The following MAF variants were observed in gnomAD, a reference collection of about 807,000 sequenced individuals.
The protein encoded by MAF is MAF bZIP transcription factor, also known as transcription factor Maf.
MAF carries 10 observed loss-of-function variants against 22.0 expected under a neutral mutation model. That is an observed-to-expected ratio of 0.45 (90% CI 0.28 to 0.77). MAF has a LOEUF of 0.77. Among genes scored for constraint, MAF ranks in the 30% least tolerant of loss-of-function variants. The pLI, the probability that MAF is intolerant of heterozygous loss-of-function variation, is 0.12. For missense variants in MAF, 544 were observed against 548.4 expected, an observed-to-expected ratio of 0.99 and a Z score of 0.08; for synonymous variants, 337 against 255.8, an observed-to-expected ratio of 1.32 and a Z score of -3.03.
the MAF span, among the ~76,000 whole-genome samples, chr16:79,490,245 A>G: frequency 6.6e-6 from 1 of 152,234 alleles, no homozygotes; most frequent in South Asian, 2.1e-4. Flanking sequence ...TATCCTGGAC[A>G]CAGGCACGGC....
At chr16:79,314,548 G>C in the MAF span, among the ~76,000 whole-genome samples, 5 of 152,278 alleles carry the variant, frequency 3.3e-5, no homozygotes, top group South Asian at 1.0e-3. Flanking sequence ...AGCAGAGGAG[G>C]GGCTTCCTAA....
the MAF span, among the ~76,000 whole-genome samples, chr16:79,462,033 C>G: frequency 6.6e-6 from 1 of 152,216 alleles, no homozygotes; most frequent in South Asian, 2.1e-4. Context: ...TCTCTACTTT[C>G]TCCACAACCA....
At chr16:79,438,743 A>G in the MAF span, among the ~76,000 whole-genome samples, 3 of 152,126 alleles carry the variant, frequency 2.0e-5, no homozygotes, top group Non-Finnish European at 4.4e-5. Context: ...ATCCCTGCCC[A>G]TGTCCCAGAG....
chr16:79,435,934 T>C, the MAF span, among the ~76,000 whole-genome samples: 8 of 152,086 alleles, frequency 5.3e-5, no homozygotes, highest in African/African-American at 1.4e-4. Context: ...CTTTGGAAAA[T>C]TCATTAGCAA....
At chr16:79,548,902 C>G in the MAF span, among the ~76,000 whole-genome samples, 4 of 152,116 alleles carry the variant, frequency 2.6e-5, no homozygotes, top group Non-Finnish European at 5.9e-5. Flanking sequence ...CACACTTACA[C>G]AAAAAATAAA....
the MAF span, among the ~76,000 whole-genome samples, chr16:79,452,599 T>G: frequency 6.6e-6 from 1 of 152,184 alleles, no homozygotes; most frequent in African/African-American, 2.4e-5. Context: ...TTCTTGGTGA[T>G]TTGAAAAATG....
the MAF span, among the ~76,000 whole-genome samples, chr16:79,376,741 T>C: frequency 6.6e-6 from 1 of 152,206 alleles, no homozygotes; most frequent in African/African-American, 2.4e-5. Flanking sequence ...TGTGTTATTG[T>C]TCAATTCCCA....
intron 1 of MAF, chr16:79,595,668 G>A (rs956649598): frequency 6.6e-6 from 7 of 1,058,116 alleles, no homozygotes; most frequent in Admixed American, 1.1e-4. Flanking sequence ...CCCATACACA[G>A]CCTATTTTGG....
the MAF span, among the ~76,000 whole-genome samples, chr16:79,255,976 T>C: frequency 4.3e-5 from 6 of 138,254 alleles, no homozygotes; most frequent in South Asian, 1.1e-3. Context: ...TTTTTTCTTT[T>C]CTTTTCTTTT....
chr16:79,495,548 C>T, the MAF span, among the ~76,000 whole-genome samples: 12 of 152,146 alleles, frequency 7.9e-5, no homozygotes, highest in Non-Finnish European at 8.8e-5. Flanking sequence ...GGGTCAGAGA[C>T]CACATATAGA....
At chr16:79,578,642 A>C in the MAF span, among the ~76,000 whole-genome samples, 4 of 152,216 alleles carry the variant, frequency 2.6e-5, no homozygotes, top group African/African-American at 9.6e-5. Context: ...AATATTAGAG[A>C]AGCTTTGACA....
chr16:79,319,900 G>C, the MAF span, among the ~76,000 whole-genome samples: 2 of 152,214 alleles, frequency 1.3e-5, no homozygotes, highest in Non-Finnish European at 2.9e-5. Flanking sequence ...GATCAGGATG[G>C]TTGGAGATGG....
the MAF span, among the ~76,000 whole-genome samples, chr16:79,571,092 G>A: frequency 6.7e-6 from 1 of 148,684 alleles, no homozygotes; most frequent in African/African-American, 2.5e-5. Flanking sequence ...CCACCCTGAG[G>A]AATCCCCACA....
the MAF span, among the ~76,000 whole-genome samples, chr16:79,483,480 C>T: frequency 6.7e-6 from 1 of 150,372 alleles, no homozygotes; most frequent in Non-Finnish European, 1.5e-5. Context: ...TGGACAGGCC[C>T]GGAGGGGAAG....
the MAF span, among the ~76,000 whole-genome samples, chr16:79,310,563 C>T: frequency 2.0e-5 from 3 of 152,294 alleles, no homozygotes; most frequent in South Asian, 2.1e-4. Context: ...AGAGGTGGCT[C>T]ATCTCACCAC....
the MAF span, among the ~76,000 whole-genome samples, chr16:79,573,176 G>C: frequency 1.3e-5 from 2 of 152,096 alleles, no homozygotes; most frequent in Non-Finnish European, 2.9e-5. Flanking sequence ...TTAGGTTTTT[G>C]ACTATCTTGT....
chr16:79,241,802 G>T, the MAF span, among the ~76,000 whole-genome samples: 1 of 151,978 alleles, frequency 6.6e-6, no homozygotes, highest in African/African-American at 2.4e-5. Flanking sequence ...AGAAAGGTTG[G>T]GTTACCCACA....
chr16:79,227,723 A>G, the MAF span, among the ~76,000 whole-genome samples: 2 of 152,012 alleles, frequency 1.3e-5, no homozygotes, highest in African/African-American at 4.8e-5. Context: ...CTGCTACTAT[A>G]AAGTTTTTAA....
At chr16:79,598,732 C>A (rs551836241) in intron 1 of MAF, 53 bp downstream of exon 1, 2 of 1,611,364 alleles carry the variant, frequency 1.2e-6, no homozygotes, top group South Asian at 1.1e-5. Flanking sequence ...CCGAGCCGGA[C>A]CCCCGCGGAG....
Sources: gnomAD v4.1 joint callset for allele counts (sites outside exome capture counted in the v4.1 genomes callset) on GRCh38, gnomAD v4.1.1 for gene constraint, MANE v1.5 for transcripts, NCBI Gene and HGNC (gene_info 2026-07-23, HGNC 2026-07-21) for gene names.